Variants in ISM2 observed in about 807,000 individuals in gnomAD.
The protein encoded by ISM2 is isthmin 2, also known as isthmin-2.
In ISM2, 50 loss-of-function variants were observed where a neutral mutation model predicts 58.0. That is an observed-to-expected ratio of 0.86 (90% CI 0.69 to 1.09). ISM2 has a LOEUF of 1.09. Ranked by LOEUF, ISM2 falls within the 50% of genes least tolerant of loss-of-function variation. The pLI, the probability that ISM2 is intolerant of heterozygous loss-of-function variation, is 0.00. For missense variants in ISM2, 723 were observed against 745.0 expected (o/e 0.97, Z 0.34); for synonymous variants, 303 against 312.4 (o/e 0.97, Z 0.32).
At position 77,475,746 on chromosome 14, in the gene ISM2, T is replaced by C. The variant is rs1302037241; in HGVS notation, c.1565A>G (p.His522Arg). The stretch of plus-strand genomic sequence containing the variant: ...CCAGGGCGTCGTGTCGAACTTGAAG[T>C]GCAGCTTAGGTGAGAAGTCGGTGCT... The part of the protein sequence containing the change: ...LISTDFSPKL[H>R]FKFDTTPWIL... The change falls in exon 7 of 7, where the codon CAC (histidine) becomes CGC (arginine). Residue 522 changes from histidine (H) to arginine (R), a missense_variant. By Grantham distance (29) the His-to-Arg change is conservative. Transcript: ENST00000342219. This position sits in a 1 kb window ranked among gnomAD's most constrained non-coding sequence, Gnocchi z 4.1. 4.3e-6 allele frequency: 7 copies of C among 1,613,402 alleles called. No individual in the cohort carries two copies. The East Asian group carries it at 1.6e-4, about 36-fold the overall frequency.
chr14:77,482,937 G>C (rs1432207765), intron 3 of ISM2: 2 of 353,726 alleles, frequency 5.7e-6, no homozygotes, highest in African/African-American at 4.2e-5. Context: ...GCTGGGGCCA[G>C]GTATGGCGGT....
chr14:77,486,516 A>T (rs2053950180), intron 1 of ISM2, among the ~76,000 whole-genome samples: 1 of 152,234 alleles, frequency 6.6e-6, no homozygotes, highest in African/African-American at 2.4e-5. Flanking sequence ...CAGCCCCTTC[A>T]CTGACCAATG....
At chr14:77,478,806 A>T in intron 4 of ISM2, 91 bp from the exon 5 acceptor site, 1 of 1,337,012 alleles carries the variant, frequency 7.5e-7, no homozygotes. Context: ...CCTCAGGTGG[A>T]TGCAGCCCAT....
chr14:77,485,292 C>T (rs1566756116), intron 1 of ISM2, among the ~76,000 whole-genome samples: 1 of 152,226 alleles, frequency 6.6e-6, no homozygotes, highest in Non-Finnish European at 1.5e-5. Flanking sequence ...CTCCCACTCC[C>T]CAAGGCCCTC....
rs371216782 is a variant in ISM2, at chr14:77,495,594, G to C, written c.141+3059C>G. The stretch of plus-strand genomic sequence containing the variant: ...GTCTACAACAGTCATTCTCCACTAC[G>C]GGCAGTGGGGATAGGGTGTCCCACA... On this transcript the variant is annotated intron_variant, in intron 1 of 6. Coordinates refer to ENST00000342219, the MANE Select transcript of ISM2 (RefSeq NM_199296.3). 2.6e-5 allele frequency among the ~76,000 whole-genome samples: 4 copies of C among 152,232 alleles called. No individual in the cohort carries two copies. The South Asian group carries it at 8.3e-4, about 32-fold the overall frequency.
intron 3 of ISM2, 66 bp from the exon 4 acceptor site, chr14:77,482,733 G>C: frequency 1.0e-6 from 1 of 999,150 alleles, no homozygotes; most frequent in South Asian, 1.6e-5. Flanking sequence ...AGAGACGAGG[G>C]ATGATGGGGT....
At position 77,475,379 on chromosome 14, in the gene ISM2, C is replaced by T; in HGVS notation, c.*216G>A. On this transcript the variant is annotated 3_prime_UTR_variant, in exon 7 of 7. Transcript: ENST00000342219. The surrounding 1 kb of genome is among the most constrained non-coding windows in gnomAD (Gnocchi z 4.1). Reference sequence around the variant, plus strand: ...ACATTTCCAGGGCTCCCAGGGACACCCACCCTGGGCCCTACATACCCTTCA... The same window carrying T: ...ACATTTCCAGGGCTCCCAGGGACACTCACCCTGGGCCCTACATACCCTTCA... 2.2e-6 allele frequency: 1 copy of T among 454,150 alleles called. No homozygotes were observed. The highest frequency in any genetic ancestry group is 3.8e-6 in the Non-Finnish European group (1 of 260,308). 28.1% of individuals were successfully genotyped at this position (454,150 alleles called of 1,614,324 possible).
At chr14:77,483,012 C>T (rs557220908) in intron 3 of ISM2, 7 of 213,024 alleles carry the variant, frequency 3.3e-5, no homozygotes, top group Admixed American at 5.8e-5. Flanking sequence ...CTCGGCTCTG[C>T]CAGCATGCAT....
At chr14:77,492,325 C>T (rs1317254843) in intron 1 of ISM2, among the ~76,000 whole-genome samples, 1 of 152,152 alleles carries the variant, frequency 6.6e-6, no homozygotes, top group Non-Finnish European at 1.5e-5. Flanking sequence ...GGGATCCTGG[C>T]TCACCACATA....
In ISM2 at chr14:77,494,150, C is replaced by T. The variant is rs139988888; in HGVS notation, c.141+4503G>A. ...CAAAGATGTACCATAAGGTCCCAGA[C>T]CTGGCTCCTGGCTAGGCTTAACTTT... On this transcript the variant is annotated intron_variant, in intron 1 of 6. Coordinates refer to ENST00000342219, the MANE Select transcript of ISM2 (RefSeq NM_199296.3). 1.2e-3 allele frequency among the ~76,000 whole-genome samples: 187 copies of T among 152,266 alleles called. 1 individual carries two copies. The highest frequency in any genetic ancestry group is 6.8e-3 in the Middle Eastern group (2 of 294).
At chr14:77,481,002 G>A (rs2079128827) in intron 4 of ISM2, among the ~76,000 whole-genome samples, 1 of 152,108 alleles carries the variant, frequency 6.6e-6, no homozygotes. Flanking sequence ...CATAAAACAT[G>A]TCTGCACCCA....
chr14:77,484,853 G>A lies in ISM2; in HGVS notation c.208C>T (p.His70Tyr), dbSNP rs2079157923. Residue 70 changes from histidine to tyrosine, a missense_variant, in exon 2 of 7, where the codon CAC (histidine) becomes TAC (tyrosine). Physicochemically the swap from His to Tyr is moderately conservative, Grantham distance 83 (BLOSUM62 2). Transcript: ENST00000342219. ...TGTTGGTGTGGCTCTGCCTGCAGGT[G>A]GGTTCTGGGGAGCAGTGGTGCCTCC... Reference protein sequence around the residue: ...EEEAPLLPRTHLQAEPHQHGC... With the variant: ...EEEAPLLPRTYLQAEPHQHGC... 4 of 1,602,572 alleles carry A rather than the reference G, an allele frequency of 2.5e-6. No homozygotes were observed. Among genetic ancestry groups the A allele is most frequent in the Non-Finnish European group, 3.4e-6 (4 of 1,174,112 alleles).
At chr14:77,496,033 C>T (rs375972694) in intron 1 of ISM2, among the ~76,000 whole-genome samples, 16 of 151,350 alleles carry the variant, frequency 1.1e-4, no homozygotes, top group South Asian at 2.1e-4. Flanking sequence ...GTCAACATGA[C>T]GAAACCCCAT....
At chr14:77,498,310 C>A (rs2079260605) in intron 1 of ISM2, 4 of 1,362,394 alleles carry the variant, frequency 2.9e-6, no homozygotes, top group Non-Finnish European at 3.9e-6. Context: ...TCCGAGCTAG[C>A]GCGCACCTGG....
chr14:77,482,863 G>A, intron 3 of ISM2, 196 bp from the exon 4 acceptor site: 2 of 512,046 alleles, frequency 3.9e-6, no homozygotes, highest in Admixed American at 3.7e-5. Context: ...CGGCCTGGAG[G>A]TGCATTAGAA....
chr14:77,487,576 C>T (rs2079176020), intron 1 of ISM2, among the ~76,000 whole-genome samples: 1 of 152,208 alleles, frequency 6.6e-6, no homozygotes, highest in Non-Finnish European at 1.5e-5. Flanking sequence ...GCCACACGTG[C>T]CGCCTTTCCT....
At chr14:77,494,736 T>C (rs2079228173) in intron 1 of ISM2, among the ~76,000 whole-genome samples, 1 of 152,032 alleles carries the variant, frequency 6.6e-6, no homozygotes, top group African/African-American at 2.4e-5. Context: ...GTCCCTAGAA[T>C]AGCAATCTGC....
chr14:77,478,462 GT>G, intron 5 of ISM2, 112 bp downstream of exon 5: 1 of 1,461,960 alleles, frequency 6.8e-7, no homozygotes, highest in Admixed American at 1.9e-5. Flanking sequence ...GGACCACCAT[GT>G]TTTTGAGCTT....
chr14:77,492,516 C>CT (rs11345814), intron 1 of ISM2, among the ~76,000 whole-genome samples: 49 of 93,460 alleles, frequency 5.2e-4, no homozygotes, highest in African/African-American at 9.0e-4. Flanking sequence ...TGGCCCCAGC[C>CT]TTTTTTTTTT....
Sources: allele counts gnomAD v4.1 joint callset (sites outside exome capture counted in the v4.1 genomes callset), GRCh38; gene constraint gnomAD v4.1.1; non-coding constraint Gnocchi (gnomAD v3.1); transcripts MANE v1.5; gene names NCBI Gene and HGNC (gene_info 2026-07-23, HGNC 2026-07-21).